Variants in DPH7 observed in about 807,000 individuals in gnomAD.
DPH7 encodes the protein diphthamide biosynthesis 7, also known as diphthine methyltransferase.
Under a neutral mutation model 41.7 loss-of-function variants are expected in DPH7, and 44 were observed. The ratio of observed to expected loss-of-function variants is 1.05; its 90% CI spans 0.83 to 1.36. DPH7 has a LOEUF of 1.36. Among genes scored for constraint, DPH7 ranks in the 40% most tolerant of loss-of-function variants. The pLI, the probability that DPH7 is intolerant of heterozygous loss-of-function variation, is 0.00. For missense variants in DPH7, 629 were observed against 577.5 expected, an observed-to-expected ratio of 1.09 and a Z score of -0.91; for synonymous variants, 275 against 238.0, an observed-to-expected ratio of 1.16 and a Z score of -1.43.
intron 8 of DPH7, among the ~76,000 whole-genome samples, chr9:137,560,318 A>C (rs1394616779): frequency 6.6e-6 from 1 of 152,194 alleles, no homozygotes; most frequent in Non-Finnish European, 1.5e-5. Context: ...GGATGGGAGC[A>C]CAACAAATAG....
intron 8 of DPH7, among the ~76,000 whole-genome samples, chr9:137,562,707 G>A (rs1454419050): frequency 6.6e-6 from 1 of 150,842 alleles, no homozygotes; most frequent in Non-Finnish European, 1.5e-5. Flanking sequence ...TGGGCACGGT[G>A]GCTCATGCCT....
intron 1 of DPH7, 85 bp downstream of exon 1, chr9:137,578,540 C>A (rs1304530884): frequency 5.2e-6 from 7 of 1,348,560 alleles, no homozygotes; most frequent in Non-Finnish European, 6.7e-6. Flanking sequence ...ATCCCCTCTT[C>A]ATCTCCTGGG....
At chr9:137,571,122 C>T (rs1392871188) in intron 5 of DPH7, among the ~76,000 whole-genome samples, 3 of 152,048 alleles carry the variant, frequency 2.0e-5, no homozygotes, top group African/African-American at 7.2e-5. Flanking sequence ...CACGCCATTG[C>T]ACTCCAGCTT....
rs1245947865 is a variant in DPH7, at chr9:137,574,796, C to T, written c.423G>A (p.Gln141=). The T allele has an allele frequency of 1.9e-6, 3 of 1,613,996 alleles. No homozygotes were observed. The highest frequency in any genetic ancestry group is 2.2e-5 in the South Asian group (2 of 91,092). The part of the protein sequence containing the change: ...EPLSSLALEE[Q]CLALSLDWST... Reference sequence around the variant, plus strand: ...ACCAATCTAGGGACAAAGCCAGACACTGCTCCTCCAGGGCAAGGCTGGACA... The same window carrying T: ...ACCAATCTAGGGACAAAGCCAGACATTGCTCCTCCAGGGCAAGGCTGGACA... The change falls in exon 4 of 9, where the codon CAG becomes CAA. Residue 141 remains glutamine, a synonymous_variant. Transcript: ENST00000277540.
At chr9:137,578,451 C>T (rs1049843289) in intron 1 of DPH7, 174 bp downstream of exon 1, 6 of 745,118 alleles carry the variant, frequency 8.1e-6, no homozygotes, top group Non-Finnish European at 1.2e-5. Context: ...CAGGCGTGAG[C>T]CACTGCGCCC....
chr9:137,569,555 A>C, intron 5 of DPH7, among the ~76,000 whole-genome samples: 6 of 64,642 alleles, frequency 9.3e-5, no homozygotes, highest in African/African-American at 1.3e-4. Context: ...TCCACCCACC[A>C]CCCACCACCC....
At chr9:137,571,886 C>A (rs1439731846) in intron 5 of DPH7, among the ~76,000 whole-genome samples, 1 of 152,148 alleles carries the variant, frequency 6.6e-6, no homozygotes, top group African/African-American at 2.4e-5. Context: ...TAGAATAGGG[C>A]TCAGCACATA....
chr9:137,555,047 G>C lies in DPH7; in HGVS notation c.*192C>G. ...ACTCTCTGCCAGACAGAATCACCCA[G>C]TCCACTTTCAGGGGCCCAGCAGGGA... On this transcript the variant is annotated 3_prime_UTR_variant, in exon 9 of 9. Coordinates refer to ENST00000277540, the MANE Select transcript of DPH7 (RefSeq NM_138778.5). 1.7e-6 allele frequency: 1 copy of C among 599,056 alleles called. No homozygotes were observed. The highest frequency in any genetic ancestry group is 2.6e-6 in the Non-Finnish European group (1 of 384,646). 37.1% of individuals were successfully genotyped at this position (599,056 alleles called of 1,614,324 possible). A position where few individuals can be genotyped will look rare whatever the true frequency, so the allele number is the denominator to read the frequency against.
At chr9:137,561,033 A>G (rs1045463928) in intron 8 of DPH7, among the ~76,000 whole-genome samples, 1 of 150,260 alleles carries the variant, frequency 6.7e-6, no homozygotes, top group Non-Finnish European at 1.5e-5. Context: ...AAAAAAAAAA[A>G]AAAAAAAAGA....
intron 5 of DPH7, among the ~76,000 whole-genome samples, chr9:137,570,544 A>G (rs951593967): frequency 5.3e-5 from 8 of 152,136 alleles, no homozygotes; most frequent in Non-Finnish European, 1.0e-4. Flanking sequence ...CACATTCACC[A>G]AAGAGGTCAT....
At chr9:137,578,563 C>A in intron 1 of DPH7, 62 bp downstream of exon 1, 1 of 1,406,700 alleles carries the variant, frequency 7.1e-7, no homozygotes, top group Non-Finnish European at 9.2e-7. Context: ...ATTCGGTGCG[C>A]CTTTCGGCCT....
chr9:137,564,830 C>T, intron 7 of DPH7, 63 bp downstream of exon 7: 2 of 1,540,584 alleles, frequency 1.3e-6, no homozygotes, highest in Non-Finnish European at 1.8e-6. Context: ...GAAGAAGGGC[C>T]CAGGAGCCCC....
Position 137,569,865 on chromosome 9 carries a change from ACCAT to A in DPH7, c.640+4339_640+4342del, listed in dbSNP as rs373776373. On this transcript the variant is annotated intron_variant, in intron 5 of 8. Coordinates refer to ENST00000277540, the MANE Select transcript of DPH7 (RefSeq NM_138778.5). ...CACACACCCACCAACTCATCCACCC[ACCAT>A]CCATCCATCCATCCATCCACACGCC... Among the ~76,000 whole-genome samples the A allele has an allele frequency of 7.3e-3, 1,066 of 146,052 alleles. 10 individuals carry two copies. Among genetic ancestry groups the A allele is most frequent in the African/African-American group, 0.025 (983 of 38,906 alleles).
At chr9:137,560,305 G>T (rs1353694025) in intron 8 of DPH7, among the ~76,000 whole-genome samples, 1 of 152,176 alleles carries the variant, frequency 6.6e-6, no homozygotes, top group Admixed American at 6.5e-5. Flanking sequence ...CTGTCACCAG[G>T]ATGGATGGGA....
chr9:137,574,032 C>T (rs1486274800), intron 5 of DPH7, among the ~76,000 whole-genome samples, 176 bp downstream of exon 5: 3 of 152,196 alleles, frequency 2.0e-5, no homozygotes, highest in African/African-American at 2.4e-5. Flanking sequence ...TGCCACTGCA[C>T]TCTAGCCTGG....
At chr9:137,576,264 G>C in intron 2 of DPH7, 97 bp from the exon 3 acceptor site, 1 of 1,092,612 alleles carries the variant, frequency 9.2e-7, no homozygotes, top group Non-Finnish European at 1.4e-6. Flanking sequence ...CTTAACAACG[G>C]GGCTGCAGTC....
rs181354723 is a variant in DPH7, at chr9:137,568,575, C to G, written c.641-3421G>C. On this transcript the variant is annotated intron_variant, in intron 5 of 8. Transcript: ENST00000277540. Reference sequence around the variant, plus strand: ...TGACTCTGTCTGTGAGGAAGCTCCCCGGGGTGACTCTGTCTGTGAGGAAGT... The same window carrying G: ...TGACTCTGTCTGTGAGGAAGCTCCCGGGGGTGACTCTGTCTGTGAGGAAGT... Among the ~76,000 whole-genome samples, 1,491 of 151,712 alleles carry G rather than the reference C, an allele frequency of 9.8e-3. 6 individuals carry two copies. The highest frequency in any genetic ancestry group is 0.021 in the Middle Eastern group (6 of 290).
In DPH7 at chr9:137,555,321, T is replaced by G. The variant is rs759349013; in HGVS notation, c.1277A>C (p.Glu426Ala). The change falls in exon 9 of 9, where the codon GAA becomes GCA. Residue 426 changes from glutamate (E) to alanine (A), a missense_variant. Glu to Ala is a moderately radical substitution (Grantham distance 107, BLOSUM62 -1). Coordinates refer to ENST00000277540, the MANE Select transcript of DPH7 (RefSeq NM_138778.5). ...CAGGAGGCTGAAGGCTGAGTCTGCT[T>G]CTTCTGGGTTCACGCCACAGTCACG... ...TTRDCGVNPE[E>A]ADSAFSLLAT... 9.9e-6 allele frequency: 16 copies of G among 1,613,256 alleles called. No individual in the cohort carries two copies. Among genetic ancestry groups the G allele is most frequent in the Admixed American group, 6.7e-5 (4 of 59,948 alleles).
intron 8 of DPH7, among the ~76,000 whole-genome samples, chr9:137,559,547 C>T (rs1275349496): frequency 6.6e-6 from 1 of 152,226 alleles, no homozygotes; most frequent in Non-Finnish European, 1.5e-5. Context: ...TCAGTGGTCA[C>T]GCTCCTTGTC....
Sources: allele counts gnomAD v4.1 joint callset (sites outside exome capture counted in the v4.1 genomes callset), GRCh38; gene constraint gnomAD v4.1.1; transcripts MANE v1.5; gene names NCBI Gene and HGNC (gene_info 2026-07-23, HGNC 2026-07-21).